The following SLC22A25 variants were observed in gnomAD, a reference collection of about 807,000 sequenced individuals.
The protein encoded by SLC22A25 is MGI:2442751, MGI:2385316, MGI:3042283, MGI:3645714, MGI:3605624, MGI:2442750.
In SLC22A25, 44 loss-of-function variants were observed where a neutral mutation model predicts 45.9. That is an observed-to-expected ratio of 0.96 (90% confidence interval 0.75 to 1.23). The LOEUF (loss-of-function observed/expected upper bound fraction) is 1.23, where lower values mean the gene tolerates loss of function less well. Ranked by LOEUF, SLC22A25 falls within the 50% of genes most tolerant of loss-of-function variation. The pLI, the probability that SLC22A25 is intolerant of heterozygous loss-of-function variation, is 0.00. For missense variants in SLC22A25, 800 were observed against 666.4 expected, an observed-to-expected ratio of 1.20 and a Z score of -2.21; for synonymous variants, 283 against 238.6, an observed-to-expected ratio of 1.19 and a Z score of -1.72.
At chr11:63,225,156 T>G (rs1025997333) in intron 5 of SLC22A25, among the ~76,000 whole-genome samples, 1 of 152,172 alleles carries the variant, frequency 6.6e-6, no homozygotes, top group Non-Finnish European at 1.5e-5. Flanking sequence ...GTTGTTTTAG[T>G]TAGTTTATAT....
rs558073194 is a variant in SLC22A25, at chr11:63,188,762, C to G, written c.831-4945G>C. Among the ~76,000 whole-genome samples, 3 of 152,112 alleles carry G rather than the reference C, an allele frequency of 2.0e-5. No homozygotes were observed. The East Asian group carries it at 5.8e-4, about 29-fold the overall frequency. ...TATGTTGTGTCTTTGTTCTCGTTGG[C>G]TTCAAAGAACATCTTTATTTCTGCC... On this transcript the variant is annotated intron_variant, in intron 7 of 11. Coordinates refer to ENST00000306494, the MANE Select transcript of SLC22A25 (RefSeq NM_199352.6).
At chr11:63,173,409 C>A (rs1453227409) in intron 9 of SLC22A25, among the ~76,000 whole-genome samples, 4 of 152,064 alleles carry the variant, frequency 2.6e-5, no homozygotes, top group African/African-American at 9.7e-5. Context: ...AGTCAATAAA[C>A]TTTAATTATA....
At chr11:63,166,639 A>G (rs943211348) in intron 9 of SLC22A25, 11 of 1,007,724 alleles carry the variant, frequency 1.1e-5, no homozygotes, top group Non-Finnish European at 1.3e-5. Context: ...TGTCAGTCAA[A>G]CTCACAGTAA....
At chr11:63,180,855 A>T in intron 8 of SLC22A25, 80 bp from the exon 9 acceptor site, 12 of 924,094 alleles carry the variant, frequency 1.3e-5, no homozygotes, top group Non-Finnish European at 1.9e-5. Context: ...CAACCAACAG[A>T]TGACAAGATA....
chr11:63,226,885 C>T (rs1052539211), intron 5 of SLC22A25, among the ~76,000 whole-genome samples: 1 of 152,210 alleles, frequency 6.6e-6, no homozygotes, highest in African/African-American at 2.4e-5. Context: ...CTCTTCTCTC[C>T]CCTTTCCACC....
rs1251128669 is a variant in SLC22A25, at chr11:63,183,814, C to G, written c.834G>C (p.Trp278Cys). The change falls in exon 8 of 12, where the codon TGG (tryptophan) becomes TGC (cysteine). Residue 278 changes from tryptophan to cysteine, a missense_variant. By Grantham distance (215) the Trp-to-Cys change is radical. Coordinates refer to ENST00000306494, the MANE Select transcript of SLC22A25 (RefSeq NM_199352.6). Reference sequence around the variant, plus strand: ...TGAGCCACCGAGCAGACTCTGCCAGCCACCTGAGCAAAGAAGAGGACAGAG... The same window carrying G: ...TGAGCCACCGAGCAGACTCTGCCAGGCACCTGAGCAAAGAAGAGGACAGAG... ...PCFVFFLFSR[W>C]LAESARWLII... 2 of 1,612,826 alleles carry G rather than the reference C, an allele frequency of 1.2e-6. No individual in the cohort carries two copies. Among genetic ancestry groups the G allele is most frequent in the East Asian group, 2.2e-5 (1 of 44,862 alleles).
At position 63,161,655 on chromosome 11, in the gene SLC22A25, G is replaced by A. The variant is rs776609266; in HGVS notation, c.*2169C>T. On this transcript the variant is annotated 3_prime_UTR_variant, in exon 12 of 12. Coordinates refer to ENST00000306494, the MANE Select transcript of SLC22A25 (RefSeq NM_199352.6). ...TGCTGCCATGTAAGACGTGCCTTTC[G>A]CCCTCCACCAGGATTGTGAGGCTTC... Among the ~76,000 whole-genome samples the A allele has an allele frequency of 1.9e-4, 29 of 152,102 alleles. No homozygotes were observed. The highest frequency in any genetic ancestry group is 4.3e-4 in the African/African-American group (18 of 41,412).
chr11:63,205,763 C>T (rs1040826452), intron 7 of SLC22A25, among the ~76,000 whole-genome samples: 1 of 152,084 alleles, frequency 6.6e-6, no homozygotes, highest in Non-Finnish European at 1.5e-5. Flanking sequence ...GAAACTATTC[C>T]AAACAACAGA....
chr11:63,236,406 A>G (rs1469633516), intron 3 of SLC22A25, among the ~76,000 whole-genome samples: 1 of 152,160 alleles, frequency 6.6e-6, no homozygotes, highest in Non-Finnish European at 1.5e-5. Context: ...TGTGCTAGCA[A>G]TGAGTGAGGC....
chr11:63,162,154 T>C lies in SLC22A25; in HGVS notation c.*1670A>G, dbSNP rs2087543992. 6.6e-6 allele frequency among the ~76,000 whole-genome samples: 1 copy of C among 152,236 alleles called. No individual in the cohort carries two copies. The highest frequency in any genetic ancestry group is 2.4e-5 in the African/African-American group (1 of 41,464). On this transcript the variant is annotated 3_prime_UTR_variant, in exon 12 of 12. Coordinates refer to ENST00000306494, the MANE Select transcript of SLC22A25 (RefSeq NM_199352.6). ...TAGAGTTGTTTGAGCTCCTTATATA[T>C]TCTGGTGATTAGTCCTTTGTCAGAG...
In SLC22A25 at chr11:63,217,670, G is replaced by A. The variant is rs751182131; in HGVS notation, c.572C>T (p.Ala191Val). Residue 191 changes from alanine to valine, a missense_variant, in exon 6 of 12, where the codon GCC becomes GTC. By Grantham distance (64) the Ala-to-Val change is moderately conservative. Transcript: ENST00000306494. ...GTATACGAGGATGGTGGGAGCAAAG[G>A]CCGCACAGGTGCCTACAATGGCGAG... The part of the protein sequence containing the change: ...LQLAIVGTCA[A>V]FAPTILVYCS... 1 of 1,613,938 alleles carries A rather than the reference G, an allele frequency of 6.2e-7. No homozygotes were observed. The highest frequency in any genetic ancestry group is 8.5e-7 in the Non-Finnish European group (1 of 1,179,976).
intron 9 of SLC22A25, among the ~76,000 whole-genome samples, chr11:63,170,622 T>C (rs1565063808): frequency 2.6e-5 from 4 of 152,114 alleles, no homozygotes; most frequent in Admixed American, 6.6e-5. Context: ...CAGGAAGAAG[T>C]TGAATCCCTG....
intron 7 of SLC22A25, among the ~76,000 whole-genome samples, chr11:63,196,883 A>C (rs1362338637): frequency 6.6e-6 from 1 of 152,240 alleles, no homozygotes; most frequent in Non-Finnish European, 1.5e-5. Flanking sequence ...AAATCTCCTT[A>C]AGCTGATAAG....
intron 7 of SLC22A25, among the ~76,000 whole-genome samples, chr11:63,193,909 AC>A (rs1337132075): frequency 6.6e-6 from 1 of 152,152 alleles, no homozygotes; most frequent in Non-Finnish European, 1.5e-5. Context: ...GAAGCTAAAA[AC>A]CTTGAAAAAA....
intron 9 of SLC22A25, chr11:63,167,132 C>A (rs2087712535): frequency 1.3e-5 from 2 of 152,238 alleles, no homozygotes; most frequent in Non-Finnish European, 2.9e-5. Context: ...TGCTATCCAG[C>A]CCAGAAATTA....
At chr11:63,220,454 T>C (rs1197645428) in intron 5 of SLC22A25, among the ~76,000 whole-genome samples, 1 of 152,180 alleles carries the variant, frequency 6.6e-6, no homozygotes, top group Admixed American at 6.5e-5. Flanking sequence ...TTCCAAACTC[T>C]GTCTTTGGAA....
In SLC22A25 at chr11:63,217,652, A is replaced by G. The variant is rs757842571; in HGVS notation, c.590T>C (p.Leu197Pro). The G allele has an allele frequency of 1.2e-6, 2 of 1,614,030 alleles. No homozygotes were observed. Among genetic ancestry groups the G allele is most frequent in the Non-Finnish European group, 1.7e-6 (2 of 1,179,994 alleles). ...GTCAAFAPTI[L>P]VYCSLRFLAG... is the part of the protein sequence containing the mutation. The stretch of plus-strand genomic sequence containing the variant: ...CAAGAAGCGCAGGGAGCAGTATACG[A>G]GGATGGTGGGAGCAAAGGCCGCACA... The change falls in exon 6 of 12, where the codon CTC becomes CCC. Residue 197 changes from leucine (L) to proline (P), a missense_variant. Leu to Pro is a moderately conservative substitution (Grantham distance 98). Transcript: ENST00000306494.
In SLC22A25 at chr11:63,163,508, G is replaced by C. The variant is rs2087573641; in HGVS notation, c.*316C>G. Among the ~76,000 whole-genome samples the C allele has an allele frequency of 6.6e-6, 1 of 152,168 alleles. No homozygotes were observed. The highest frequency in any genetic ancestry group is 2.4e-5 in the African/African-American group (1 of 41,440). ...AACAGGTACACTCACTGGGCTGAGG[G>C]CTCCCCAGGGATGAGAAGATGGTGT... On this transcript the variant is annotated 3_prime_UTR_variant, in exon 12 of 12. Coordinates refer to ENST00000306494, the MANE Select transcript of SLC22A25 (RefSeq NM_199352.6).
At chr11:63,213,557 C>T (rs998591107) in intron 7 of SLC22A25, among the ~76,000 whole-genome samples, 1 of 152,162 alleles carries the variant, frequency 6.6e-6, no homozygotes, top group Non-Finnish European at 1.5e-5. Context: ...CTGTAGTCAC[C>T]TTAATGGAGC....
Sources: gnomAD v4.1 joint callset for allele counts (sites outside exome capture counted in the v4.1 genomes callset) on GRCh38, gnomAD v4.1.1 for gene constraint, MANE v1.5 for transcripts, NCBI Gene and HGNC (gene_info 2026-07-23, HGNC 2026-07-21) for gene names.